The following ATP2C2 variants were observed in gnomAD, a reference collection of about 807,000 sequenced individuals.
The protein encoded by ATP2C2 is ATPase secretory pathway Ca2+ transporting 2.
A neutral mutation model predicts 110.8 loss-of-function variants in ATP2C2; 171 were observed. The observed-to-expected ratio is 1.54, with a 90% CI of 1.36 to 1.75. ATP2C2 has a LOEUF of 1.75. Ranked by LOEUF, ATP2C2 falls within the 40% of genes most tolerant of loss-of-function variation. The probability of loss-of-function intolerance (pLI) is 0.00; values close to 1 mark genes in which losing one functional copy is unlikely to be tolerated. For synonymous variants in ATP2C2, 804 were observed against 508.4 expected (o/e 1.58, Z -7.82); for missense variants, 1,963 against 1,235.0 (o/e 1.59, Z -8.84).
intron 20 of ATP2C2, 89 bp downstream of exon 20, chr16:84,453,460 C>T (rs1910505252): frequency 6.5e-7 from 1 of 1,533,144 alleles, no homozygotes; most frequent in Non-Finnish European, 9.0e-7. Flanking sequence ...CGTCGGGTGA[C>T]AGTGCAGGGC....
intron 20 of ATP2C2, 38 bp downstream of exon 20, chr16:84,453,409 G>T: frequency 6.2e-7 from 1 of 1,612,646 alleles, no homozygotes; most frequent in East Asian, 2.2e-5. Context: ...GCGCTGCTGG[G>T]GCCGGGCCAG....
intron 1 of ATP2C2, among the ~76,000 whole-genome samples, chr16:84,372,137 G>C (rs1185703179): frequency 1.3e-5 from 2 of 152,196 alleles, no homozygotes; most frequent in Non-Finnish European, 2.9e-5. Context: ...CCTTGTCAGA[G>C]TGTGGGCTTT....
chr16:84,395,883 G>A (rs1399321616), intron 1 of ATP2C2, among the ~76,000 whole-genome samples: 5 of 152,018 alleles, frequency 3.3e-5, no homozygotes, highest in African/African-American at 1.2e-4. Context: ...ATGGCTCTCT[G>A]GCATTAAGTA....
intron 1 of ATP2C2, among the ~76,000 whole-genome samples, chr16:84,391,211 C>A (rs1023535715): frequency 6.6e-6 from 1 of 151,894 alleles, no homozygotes; most frequent in Non-Finnish European, 1.5e-5. Flanking sequence ...ACTCTCTGAC[C>A]TTTACCAGGA....
intron 6 of ATP2C2, among the ~76,000 whole-genome samples, chr16:84,411,404 A>T (rs1013625562): frequency 6.6e-6 from 1 of 152,208 alleles, no homozygotes; most frequent in Non-Finnish European, 1.5e-5. Flanking sequence ...ATGTTCTATT[A>T]ATATCATCTG....
chr16:84,445,112 T>A (rs1909624556), intron 15 of ATP2C2, among the ~76,000 whole-genome samples: 1 of 152,140 alleles, frequency 6.6e-6, no homozygotes, highest in Non-Finnish European at 1.5e-5. Flanking sequence ...CCCCGGGCGT[T>A]CCTTGACTCG....
At position 84,416,928 on chromosome 16, in the gene ATP2C2, AAC is replaced by A. The variant is rs147337074; in HGVS notation, c.624+1339_624+1340del. ...TCCTTCTCCCGAGAAGGGGGGTCCTAACAGGGGATGCTCCAGATGCCAGGCAG... is the reference window on the plus strand; with the variant it reads ...TCCTTCTCCCGAGAAGGGGGGTCCTAAGGGGATGCTCCAGATGCCAGGCAG... On this transcript the variant is annotated intron_variant, in intron 7 of 26. Transcript: ENST00000262429. Among the ~76,000 whole-genome samples the A allele has an allele frequency of 9.1e-3, 882 of 96,474 alleles. 2 individuals are homozygous for A. Among genetic ancestry groups the A allele is most frequent in the Non-Finnish European group, 0.016 (662 of 40,698 alleles). 63.3% of individuals were successfully genotyped at this position (96,474 alleles called of 152,430 possible). A position where few individuals can be genotyped will look rare whatever the true frequency, so the allele number is the denominator to read the frequency against.
intron 11 of ATP2C2, among the ~76,000 whole-genome samples, chr16:84,430,478 T>C (rs1416286806): frequency 6.6e-6 from 1 of 151,950 alleles, no homozygotes; most frequent in Non-Finnish European, 1.5e-5. Flanking sequence ...CCATCTGTAC[T>C]AAAAATACAA....
intron 11 of ATP2C2, among the ~76,000 whole-genome samples, chr16:84,434,121 T>A (rs4457977): frequency 0.064 from 9,789 of 152,070 alleles, 427 homozygotes; most frequent in African/African-American, 0.11. Flanking sequence ...AGAACTTTTT[T>A]AAAACGAATT....
intron 10 of ATP2C2, 63 bp downstream of exon 10, chr16:84,423,326 G>A (rs961768123): frequency 6.7e-7 from 1 of 1,489,284 alleles, no homozygotes; most frequent in Non-Finnish European, 9.4e-7. Flanking sequence ...TCATAGGGGG[G>A]TTGCCATGGC....
intron 1 of ATP2C2, among the ~76,000 whole-genome samples, chr16:84,384,916 A>T (rs2151403043): frequency 6.6e-6 from 1 of 152,144 alleles, no homozygotes; most frequent in Middle Eastern, 3.4e-3. Flanking sequence ...GGGCTTGGTG[A>T]TGCATGCCTG....
intron 1 of ATP2C2, among the ~76,000 whole-genome samples, chr16:84,377,241 A>G (rs1910301477): frequency 6.6e-6 from 1 of 152,172 alleles, no homozygotes; most frequent in Non-Finnish European, 1.5e-5. Flanking sequence ...GTCATGTGCT[A>G]AGTCTTAGCA....
chr16:84,407,961 G>A (rs569415784), intron 3 of ATP2C2, among the ~76,000 whole-genome samples: 15 of 152,244 alleles, frequency 9.9e-5, no homozygotes, highest in Non-Finnish European at 1.6e-4. Context: ...CTGTTTTAGA[G>A]AGGGACATCA....
At chr16:84,422,336 C>A (rs967516012) in intron 7 of ATP2C2, 54 bp from the exon 8 acceptor site, 6 of 1,575,718 alleles carry the variant, frequency 3.8e-6, no homozygotes, top group Non-Finnish European at 4.3e-6. Flanking sequence ...GCTTTTAACA[C>A]CAATTCTCGG....
At chr16:84,408,384 A>G (rs552497041) in intron 3 of ATP2C2, 21 bp from the exon 4 acceptor site, 2 of 1,609,628 alleles carry the variant, frequency 1.2e-6, no homozygotes, top group African/African-American at 2.7e-5. Flanking sequence ...AACGTGCCCC[A>G]CCCTGTTATT....
chr16:84,393,849 G>A (rs1415292373), intron 1 of ATP2C2, among the ~76,000 whole-genome samples: 1 of 151,612 alleles, frequency 6.6e-6, no homozygotes, highest in African/African-American at 2.4e-5. Flanking sequence ...CCTGTAGCTT[G>A]TAAATGGCTT....
Position 84,452,104 on chromosome 16 carries a change from G to C in ATP2C2, c.1831+13G>C, listed in dbSNP as rs1472740838. 1 of 1,613,626 alleles carries C rather than the reference G, an allele frequency of 6.2e-7. No homozygotes were observed. The highest frequency in any genetic ancestry group is 1.1e-5 in the South Asian group (1 of 91,072). ...GCCTTGGCCATAGGTAACTGGGACA[G>C]GGTCGGGGGTGAGGACGAAAGGACC... On this transcript the variant is annotated intron_variant, in intron 18 of 26. Coordinates refer to ENST00000262429, the MANE Select transcript of ATP2C2 (RefSeq NM_014861.4).
In ATP2C2 at chr16:84,459,394, A is replaced by T; in HGVS notation, c.2333+8A>T. 6.2e-7 allele frequency: 1 copy of T among 1,613,206 alleles called. No individual in the cohort carries two copies. Among genetic ancestry groups the T allele is most frequent in the Non-Finnish European group, 8.5e-7 (1 of 1,179,168 alleles). On this transcript the variant is annotated splice_region_variant and intron_variant, in intron 23 of 26. Transcript: ENST00000262429. ...TGGGCCACCGGCGCAGAGGTGAGGC[A>T]GGGCCGGCTGGGAGCCCTGTGTCTC...
intron 4 of ATP2C2, among the ~76,000 whole-genome samples, chr16:84,409,934 G>T (rs929816972): frequency 6.6e-6 from 1 of 152,154 alleles, no homozygotes; most frequent in African/African-American, 2.4e-5. Context: ...AGTAGGCCGG[G>T]TGCGGTGGCT....
Sources: allele counts gnomAD v4.1 joint callset (sites outside exome capture counted in the v4.1 genomes callset), GRCh38; gene constraint gnomAD v4.1.1; transcripts MANE v1.5; gene names NCBI Gene and HGNC (gene_info 2026-07-23, HGNC 2026-07-21).